Variants in RERGL observed in about 807,000 individuals in gnomAD.
The protein encoded by RERGL is ras-related and estrogen-regulated growth inhibitor-like protein.
In RERGL, 22 loss-of-function variants were observed where a neutral mutation model predicts 24.7. The ratio of observed to expected loss-of-function variants is 0.89; its 90% CI spans 0.64 to 1.27. RERGL has a LOEUF of 1.27. Among genes scored for constraint, RERGL ranks in the 50% most tolerant of loss-of-function variants. The pLI, the probability that RERGL is intolerant of heterozygous loss-of-function variation, is 0.00. For missense variants in RERGL, 259 were observed against 235.3 expected (o/e 1.10, Z -0.66); for synonymous variants, 76 against 82.6 (o/e 0.92, Z 0.43).
At position 18,081,531 on chromosome 12, in the gene RERGL, A is replaced by T. The variant is rs1298874870; in HGVS notation, c.333-58T>A. On this transcript the variant is annotated intron_variant, in intron 4 of 4. Coordinates refer to ENST00000538724, the MANE Select transcript of RERGL (RefSeq NM_001286201.2). ...TGTTTTAACAACTCTTTTTTTTAAAAAAAAAAAAAAAACAGATTTATAACC... is the reference window on the plus strand; with the variant it reads ...TGTTTTAACAACTCTTTTTTTTAAATAAAAAAAAAAAACAGATTTATAACC... 126 of 1,350,928 alleles carry T rather than the reference A, an allele frequency of 9.3e-5. No homozygotes were observed. In the African/African-American group the frequency reaches 1.7e-3, roughly 18 times the overall value. 83.7% of individuals were successfully genotyped at this position (1,350,928 alleles called of 1,614,324 possible). A position where few individuals can be genotyped will look rare whatever the true frequency, so the allele number is the denominator to read the frequency against.
At chr12:18,085,410 G>A (rs1320224584) in intron 3 of RERGL, among the ~76,000 whole-genome samples, 2 of 152,046 alleles carry the variant, frequency 1.3e-5, no homozygotes, top group Non-Finnish European at 2.9e-5. Flanking sequence ...GATCATTTTC[G>A]ACATGAACTT....
At chr12:18,082,912 A>G (rs1947186948) in intron 4 of RERGL, among the ~76,000 whole-genome samples, 1 of 152,148 alleles carries the variant, frequency 6.6e-6, no homozygotes, top group Admixed American at 6.5e-5. Context: ...GAAACAATAT[A>G]AAAATAGAGT....
At chr12:18,088,224 T>C (rs541547980) in intron 2 of RERGL, among the ~76,000 whole-genome samples, 4 of 152,076 alleles carry the variant, frequency 2.6e-5, no homozygotes, top group Non-Finnish European at 5.9e-5. Context: ...GGGTAAGATA[T>C]TAGCACCATT....
chr12:18,089,179 T>C, intron 1 of RERGL: 2 of 1,504,060 alleles, frequency 1.3e-6, no homozygotes, highest in Non-Finnish European at 1.8e-6. Flanking sequence ...GCTTCACATC[T>C]AAATCACTAT....
At chr12:18,083,952 A>C (rs143607481) in intron 4 of RERGL, among the ~76,000 whole-genome samples, 1,710 of 152,334 alleles carry the variant, frequency 0.011, 31 homozygotes, top group African/African-American at 0.039. Context: ...CTTAAGGTAC[A>C]ATCATGTCTT....
At chr12:18,083,335 T>C (rs541473051) in intron 4 of RERGL, among the ~76,000 whole-genome samples, 1 of 152,244 alleles carries the variant, frequency 6.6e-6, no homozygotes, top group South Asian at 2.1e-4. Flanking sequence ...ATGTTTATAC[T>C]TTCAGTATGT....
chr12:18,089,220 G>T (rs765214537), intron 1 of RERGL: 3 of 1,605,066 alleles, frequency 1.9e-6, no homozygotes, highest in African/African-American at 1.3e-5. Flanking sequence ...AAAACATAAG[G>T]CCACTTACCT....
chr12:18,084,462 CA>C, intron 4 of RERGL, 54 bp downstream of exon 4: 2 of 1,511,068 alleles, frequency 1.3e-6, no homozygotes, highest in South Asian at 1.3e-5. Flanking sequence ...ATGATGCTTA[CA>C]GCTATATGAT....
intron 3 of RERGL, 110 bp from the exon 4 acceptor site, chr12:18,084,775 G>A (rs1024574836): frequency 6.8e-6 from 5 of 735,908 alleles, no homozygotes; most frequent in Non-Finnish European, 1.0e-5. Context: ...ACATCAATGT[G>A]TTAAATATTG....
intron 2 of RERGL, among the ~76,000 whole-genome samples, chr12:18,086,824 G>A (rs1947226240): frequency 6.6e-6 from 1 of 151,972 alleles, no homozygotes; most frequent in South Asian, 2.1e-4. Context: ...ACTTACTAAT[G>A]AACATCTCCA....
intron 2 of RERGL, among the ~76,000 whole-genome samples, chr12:18,087,620 G>A (rs1015490392): frequency 1.3e-5 from 2 of 151,958 alleles, no homozygotes; most frequent in African/African-American, 4.8e-5. Flanking sequence ...AATGCCTCTA[G>A]GTCTTTTATT....
chr12:18,085,989 C>G (rs1417171789), intron 2 of RERGL, among the ~76,000 whole-genome samples: 1 of 149,724 alleles, frequency 6.7e-6, no homozygotes, highest in Non-Finnish European at 1.5e-5. Context: ...TCCCGAGTAG[C>G]TGGGACTACA....
At chr12:18,084,196 TGAAAA>T (rs1007522743) in intron 4 of RERGL, among the ~76,000 whole-genome samples, 1 of 152,156 alleles carries the variant, frequency 6.6e-6, no homozygotes, top group Non-Finnish European at 1.5e-5. Context: ...TTTGTGAGAA[TGAAAA>T]GAAAAGGTTG....
At chr12:18,082,304 G>A (rs1441143969) in intron 4 of RERGL, among the ~76,000 whole-genome samples, 2 of 152,084 alleles carry the variant, frequency 1.3e-5, no homozygotes, top group Non-Finnish European at 1.5e-5. Context: ...GACACATAGA[G>A]GGGAACAACA....
chr12:18,082,433 T>A (rs1054300818), intron 4 of RERGL, among the ~76,000 whole-genome samples: 3 of 152,154 alleles, frequency 2.0e-5, no homozygotes, highest in Non-Finnish European at 4.4e-5. Flanking sequence ...CAAACCTCCA[T>A]GACACACGTT....
intron 4 of RERGL, among the ~76,000 whole-genome samples, chr12:18,083,885 GA>G (rs1947194855): frequency 6.6e-6 from 1 of 152,092 alleles, no homozygotes; most frequent in African/African-American, 2.4e-5. Context: ...GAAAAATAGG[GA>G]AAACTAAAAT....
intron 2 of RERGL, among the ~76,000 whole-genome samples, chr12:18,088,466 A>AATT (rs1391350262): frequency 6.6e-6 from 1 of 152,128 alleles, no homozygotes; most frequent in African/African-American, 2.4e-5. Flanking sequence ...TAATCAAGGC[A>AATT]TAATTTTCCT....
Position 18,084,746 on chromosome 12 carries a change from C to T in RERGL, c.184-81G>A, listed in dbSNP as rs567893645. On this transcript the variant is annotated intron_variant, in intron 3 of 4. Coordinates refer to ENST00000538724, the MANE Select transcript of RERGL (RefSeq NM_001286201.2). ...ACTTTAAACAGTTAACTAATGGAGA[C>T]CCACTTCCGCTGGAAGATACATCAA... is the stretch of plus-strand genomic sequence containing the variant. 63 of 1,153,226 alleles carry T rather than the reference C, an allele frequency of 5.5e-5. No individual in the cohort carries two copies. In the African/African-American group the frequency reaches 9.1e-4, roughly 17 times the overall value. 71.4% of individuals were successfully genotyped at this position (1,153,226 alleles called of 1,614,324 possible).
At chr12:18,082,010 C>A (rs545769466) in intron 4 of RERGL, among the ~76,000 whole-genome samples, 1 of 151,994 alleles carries the variant, frequency 6.6e-6, no homozygotes, top group Admixed American at 6.6e-5. Context: ...CGTGGTTGCA[C>A]GCACTTGTAG....
Sources: allele counts gnomAD v4.1 joint callset (sites outside exome capture counted in the v4.1 genomes callset), GRCh38; gene constraint gnomAD v4.1.1; transcripts MANE v1.5; gene names NCBI Gene and HGNC (gene_info 2026-07-23, HGNC 2026-07-21).